Variants in AGBL5 observed in about 807,000 individuals in gnomAD.
AGBL5 encodes AGBL carboxypeptidase 5, also known as cytosolic carboxypeptidase-like protein 5.
AGBL5 carries 51 observed loss-of-function variants against 88.0 expected under a neutral mutation model. The ratio of observed to expected loss-of-function variants is 0.58; its 90% CI spans 0.46 to 0.73. The LOEUF is 0.73. Among genes scored for constraint, AGBL5 ranks in the 30% least tolerant of loss-of-function variants. AGBL5 has a pLI of 0.00. For missense variants in AGBL5, 1,031 were observed against 1,162.2 expected, an observed-to-expected ratio of 0.89 and a Z score of 1.64; for synonymous variants, 446 against 438.8, an observed-to-expected ratio of 1.02 and a Z score of -0.21.
upstream of AGBL5, among the ~76,000 whole-genome samples, chr2:27,050,529 C>T (rs528206437): frequency 6.6e-6 from 1 of 152,352 alleles, no homozygotes; most frequent in East Asian, 1.9e-4. Context: ...GAGAAACCAC[C>T]GCGGGGTGTT....
At chr2:27,059,556 C>T (rs1054824318) in intron 11 of AGBL5, 152 bp downstream of exon 11, 13 of 1,497,382 alleles carry the variant, frequency 8.7e-6, no homozygotes, top group Middle Eastern at 1.9e-4. Flanking sequence ...CTCCTACGAC[C>T]TTGGTGTTCC....
intron 12 of AGBL5, 87 bp downstream of exon 12, chr2:27,067,733 G>T (rs780637531): frequency 2.8e-5 from 40 of 1,407,078 alleles, no homozygotes; most frequent in Non-Finnish European, 3.6e-5. Context: ...GGAGACCAGG[G>T]GCATCACTTA....
At chr2:27,057,460 G>T in intron 9 of AGBL5, 22 bp downstream of exon 9, 2 of 1,578,084 alleles carry the variant, frequency 1.3e-6, no homozygotes, top group South Asian at 2.3e-5. Context: ...TGGTGTAAGT[G>T]GGAAAAGGGA....
Position 27,068,616 on chromosome 2 carries a change from T to C in AGBL5, c.2243-16T>C, listed in dbSNP as rs768784004. The C allele has an allele frequency of 1.2e-6, 2 of 1,612,328 alleles. No homozygotes were observed. The highest frequency in any genetic ancestry group is 2.2e-5 in the South Asian group (2 of 90,932). On this transcript the variant is annotated splice_polypyrimidine_tract_variant and intron_variant, in intron 12 of 14. Coordinates refer to ENST00000360131, the MANE Select transcript of AGBL5 (RefSeq NM_021831.6). Reference sequence around the variant, plus strand: ...CTCTGTGACCCCTACCCTGATCAGTTTCCTCTGTTCCCTAGGGAGCAGTTG... The same window carrying C: ...CTCTGTGACCCCTACCCTGATCAGTCTCCTCTGTTCCCTAGGGAGCAGTTG...
chr2:27,056,063 T>C lies in AGBL5; in HGVS notation c.1290T>C (p.Tyr430=), dbSNP rs1668418011. The C allele has an allele frequency of 3.7e-6, 6 of 1,614,228 alleles. No individual in the cohort carries two copies. Among genetic ancestry groups the C allele is most frequent in the Non-Finnish European group, 5.1e-6 (6 of 1,180,046 alleles). The change falls in exon 7 of 15, where the codon TAT becomes TAC. Residue 430 remains tyrosine, a synonymous_variant. Transcript: ENST00000360131. ...IPPKESGVAY[Y]VDLHGHASKR... is the part of the protein sequence containing the mutation. The stretch of plus-strand genomic sequence containing the variant: ...CCAAAGAGAGTGGCGTTGCTTACTA[T>C]GTGGACCTGCATGGACATGCTTCCA...
At chr2:27,064,081 CAT>C (rs939294025) in intron 11 of AGBL5, among the ~76,000 whole-genome samples, 9 of 152,174 alleles carry the variant, frequency 5.9e-5, no homozygotes, top group African/African-American at 1.7e-4. Flanking sequence ...CTATCAAGTT[CAT>C]GATTTCTGCC....
chr2:27,054,157 ATCCG>A (rs1668314141), intron 4 of AGBL5, 98 bp downstream of exon 4: 1 of 1,405,260 alleles, frequency 7.1e-7, no homozygotes, highest in Admixed American at 2.4e-5. Flanking sequence ...CCATACTTTC[ATCCG>A]TCTTTTTTCT....
chr2:27,050,863 T>G (rs1431959349), upstream of AGBL5: 1 of 152,244 alleles, frequency 6.6e-6, no homozygotes, highest in African/African-American at 2.4e-5. Flanking sequence ...CGATTCCGGC[T>G]CGAAGGACTT....
At chr2:27,050,567 G>C (rs1668028867), upstream of AGBL5, among the ~76,000 whole-genome samples, 1 of 152,258 alleles carries the variant, frequency 6.6e-6, no homozygotes. Flanking sequence ...AAGCCGGGAA[G>C]CTCAGGGCCG....
At chr2:27,067,712 A>AAGCC in intron 12 of AGBL5, 66 bp downstream of exon 12, 4 of 1,595,484 alleles carry the variant, frequency 2.5e-6, no homozygotes, top group Non-Finnish European at 3.4e-6. Flanking sequence ...CAGGTTCTTT[A>AAGCC]AGCCTAGTTG....
chr2:27,058,425 C>T lies in AGBL5; in HGVS notation c.1697C>T (p.Ala566Val). ...EQVGRAMAIA[A>V]LDMAECNPWP... is the part of the protein sequence containing the mutation. ...GTGGGACGAGCTATGGCCATTGCAG[C>T]CCTGGACATGGCGGAATGTAATCCG... Residue 566 changes from alanine (A) to valine (V), a missense_variant, in exon 10 of 15, where the codon GCC becomes GTC. Around this residue, in one of 2 missense-constraint regions of AGBL5, gnomAD observed 491 missense variants for 484.0 expected, o/e 1.01. Coordinates refer to ENST00000360131, the MANE Select transcript of AGBL5 (RefSeq NM_021831.6). The T allele has an allele frequency of 1.2e-6, 2 of 1,613,438 alleles. No individual in the cohort carries two copies. Among genetic ancestry groups the T allele is most frequent in the Non-Finnish European group, 1.7e-6 (2 of 1,180,048 alleles).
chr2:27,053,875 T>G lies in AGBL5; in HGVS notation c.388-21T>G. On this transcript the variant is annotated intron_variant, in intron 3 of 14. Transcript: ENST00000360131. This position sits in a 1 kb window ranked among gnomAD's most constrained non-coding sequence, Gnocchi z 4.9. ...CTGACAATGGCATGTTGCCCCTCCC[T>G]CTTCCTCCTCTGCTCTTCAGATGAC... 1 of 1,602,224 alleles carries G rather than the reference T, an allele frequency of 6.2e-7. No individual in the cohort carries two copies.
At chr2:27,064,174 C>G (rs1668861671) in intron 11 of AGBL5, among the ~76,000 whole-genome samples, 1 of 152,206 alleles carries the variant, frequency 6.6e-6, no homozygotes, top group African/African-American at 2.4e-5. Flanking sequence ...TAGACTATCT[C>G]TGTCATTGGT....
At chr2:27,068,142 A>G (rs1225974187) in intron 12 of AGBL5, among the ~76,000 whole-genome samples, 1 of 152,208 alleles carries the variant, frequency 6.6e-6, no homozygotes, top group African/African-American at 2.4e-5. Context: ...CTAGTCCAAC[A>G]TGTTCTACCT....
At chr2:27,054,580 T>C (rs767190760) in intron 4 of AGBL5, 50 bp from the exon 5 acceptor site, 14 of 1,563,326 alleles carry the variant, frequency 9.0e-6, no homozygotes, top group Non-Finnish European at 1.2e-5. Context: ...GGCCTACCTC[T>C]TACTAGGACT....
At position 27,070,510 on chromosome 2, in the gene AGBL5, G is replaced by A. The variant is rs928957075; in HGVS notation, c.*247G>A. ...AAAAAAAGTCTATATTTTTATATTG[G>A]GGGGAGGGAGTAGAAAAGCAAGCCC... On this transcript the variant is annotated 3_prime_UTR_variant, in exon 15 of 15. Transcript: ENST00000360131. 1.2e-5 allele frequency: 6 copies of A among 483,758 alleles called. No individual in the cohort carries two copies. In the Admixed American group the frequency reaches 2.0e-4, roughly 16 times the overall value. 30.0% of individuals were successfully genotyped at this position (483,758 alleles called of 1,614,324 possible). A position where few individuals can be genotyped will look rare whatever the true frequency, so the allele number is the denominator to read the frequency against.
intron 11 of AGBL5, among the ~76,000 whole-genome samples, chr2:27,063,594 CAAAA>C (rs35412258): frequency 7.9e-5 from 11 of 138,956 alleles, no homozygotes; most frequent in African/African-American, 2.9e-4. Context: ...GACTCCGTCT[CAAAA>C]AAAAAAAAAA....
intron 10 of AGBL5, 138 bp downstream of exon 10, chr2:27,058,740 T>C: frequency 1.1e-6 from 1 of 917,846 alleles, no homozygotes; most frequent in Non-Finnish European, 1.6e-6. Flanking sequence ...AAATTAAAAT[T>C]AGTCAGATTA....
rs765028416 is a variant in AGBL5 at position 27,056,811 on chromosome 2, T to C, written c.1535+19T>C. On this transcript the variant is annotated intron_variant, in intron 8 of 14. Coordinates refer to ENST00000360131, the MANE Select transcript of AGBL5 (RefSeq NM_021831.6). ...TCCACAGGTTGGGTGGAAGCTGAGA[T>C]ATAGTTGATGAAATAGCTTCCCTAA... 6.3e-7 allele frequency: 1 copy of C among 1,578,718 alleles called. No homozygotes were observed. The highest frequency in any genetic ancestry group is 1.1e-5 in the South Asian group (1 of 87,284).
Sources: gnomAD v4.1 joint callset for allele counts (sites outside exome capture counted in the v4.1 genomes callset) on GRCh38, gnomAD v4.1.1 for gene constraint, gnomAD v4.1.1 regional missense constraint, Gnocchi (gnomAD v3.1) non-coding constraint, MANE v1.5 for transcripts, NCBI Gene and HGNC (gene_info 2026-07-23, HGNC 2026-07-21) for gene names.